The following MAML3 variants were observed in gnomAD, a reference collection of about 807,000 sequenced individuals.
MAML3 encodes the protein mastermind-like protein 3.
In MAML3, 27 loss-of-function variants were observed where a neutral mutation model predicts 101.9. The observed-to-expected ratio is 0.27, with a 90% CI of 0.20 to 0.37. The LOEUF is 0.37. Among genes scored for constraint, MAML3 ranks in the 10% least tolerant of loss-of-function variants. The probability of loss-of-function intolerance (pLI) is 1.00; values close to 1 mark genes in which losing one functional copy is unlikely to be tolerated. For synonymous variants in MAML3, 501 were observed against 555.9 expected (o/e 0.90, Z 1.39); for missense variants, 1,316 against 1,444.9 (o/e 0.91, Z 1.45).
At chr4:139,996,948 T>G (rs1401572856) in intron 1 of MAML3, among the ~76,000 whole-genome samples, 2 of 151,820 alleles carry the variant, frequency 1.3e-5, no homozygotes, top group South Asian at 4.2e-4. Flanking sequence ...TCTCAGCTAC[T>G]TGGGAGGCTG....
chr4:139,915,114 G>A (rs547549781), intron 1 of MAML3, among the ~76,000 whole-genome samples: 1 of 152,302 alleles, frequency 6.6e-6, no homozygotes, highest in South Asian at 2.1e-4. Context: ...ACAAAGACAT[G>A]CAAATGACTC....
At chr4:139,983,864 AC>A (rs922746773) in intron 1 of MAML3, among the ~76,000 whole-genome samples, 6 of 152,090 alleles carry the variant, frequency 3.9e-5, no homozygotes, top group African/African-American at 1.4e-4. Context: ...AATGGTCAGC[AC>A]CCCCATGTGT....
intron 2 of MAML3, among the ~76,000 whole-genome samples, chr4:139,842,496 C>A (rs1015884549): frequency 6.6e-6 from 1 of 151,088 alleles, no homozygotes; most frequent in Non-Finnish European, 1.5e-5. Context: ...TTCCCACAAT[C>A]CTAGAAAGGA....
chr4:140,040,590 A>G (rs1727066474), intron 1 of MAML3, among the ~76,000 whole-genome samples: 1 of 152,230 alleles, frequency 6.6e-6, no homozygotes, highest in Admixed American at 6.5e-5. Flanking sequence ...TAGAAACTTC[A>G]AAGCACACCC....
At chr4:140,123,092 GTTTT>G (rs58567442) in intron 1 of MAML3, among the ~76,000 whole-genome samples, 4,336 of 138,184 alleles carry the variant, frequency 0.031, 224 homozygotes, top group African/African-American at 0.11. Context: ...AAGCTCTGCG[GTTTT>G]TTTTTTTTTT....
chr4:140,112,815 A>G (rs1393151697), intron 1 of MAML3, among the ~76,000 whole-genome samples: 1 of 152,220 alleles, frequency 6.6e-6, no homozygotes, highest in Non-Finnish European at 1.5e-5. Context: ...GTTCCATTTT[A>G]CATATATAAT....
intron 2 of MAML3, among the ~76,000 whole-genome samples, chr4:139,736,167 A>AT (rs1491350873): frequency 2.0e-5 from 3 of 152,070 alleles, no homozygotes; most frequent in South Asian, 4.1e-4. Flanking sequence ...GTAAAAAAAA[A>AT]TTTTTTTTAA....
intron 2 of MAML3, among the ~76,000 whole-genome samples, chr4:139,847,975 T>C (rs1731478505): frequency 6.6e-6 from 1 of 152,204 alleles, no homozygotes; most frequent in Admixed American, 6.5e-5. Context: ...ATCTCATCCA[T>C]TTGATCTATT....
At chr4:139,757,387 C>A (rs1371039876) in intron 2 of MAML3, among the ~76,000 whole-genome samples, 1 of 152,084 alleles carries the variant, frequency 6.6e-6, no homozygotes, top group South Asian at 2.1e-4. Flanking sequence ...TGGTGGCTCA[C>A]CCCTGTAATC....
intron 1 of MAML3, among the ~76,000 whole-genome samples, chr4:139,962,227 C>T (rs144415554): frequency 7.5e-4 from 114 of 152,188 alleles, no homozygotes; most frequent in African/African-American, 2.6e-3. Flanking sequence ...TAAATCAACT[C>T]ATCATATCAG....
intron 1 of MAML3, among the ~76,000 whole-genome samples, chr4:139,968,208 G>A (rs1734172353): frequency 6.6e-6 from 1 of 151,326 alleles, no homozygotes; most frequent in African/African-American, 2.4e-5. Context: ...TAAGTCAGGA[G>A]GCTAAGGCAT....
chr4:139,935,214 T>TA (rs2110732337), intron 1 of MAML3, among the ~76,000 whole-genome samples: 1 of 118,556 alleles, frequency 8.4e-6, no homozygotes, highest in East Asian at 2.2e-4. Flanking sequence ...AAGACACCTC[T>TA]TTTTTTTTTT....
At chr4:139,756,410 C>T (rs1578585624) in intron 2 of MAML3, among the ~76,000 whole-genome samples, 1 of 152,162 alleles carries the variant, frequency 6.6e-6, no homozygotes, top group Non-Finnish European at 1.5e-5. Context: ...AACAGAATCA[C>T]ACATGGCTGA....
At chr4:139,989,347 A>G (rs909537256) in intron 1 of MAML3, among the ~76,000 whole-genome samples, 2 of 152,180 alleles carry the variant, frequency 1.3e-5, no homozygotes, top group African/African-American at 4.8e-5. Flanking sequence ...TTGCCCAGAG[A>G]GGCGGCCAGG....
chr4:140,049,938 T>C (rs1007481820), intron 1 of MAML3, among the ~76,000 whole-genome samples: 1 of 152,170 alleles, frequency 6.6e-6, no homozygotes, highest in African/African-American at 2.4e-5. Context: ...TAAAATCCAT[T>C]TTAGCATTTG....
chr4:140,120,899 C>T (rs1195159550), intron 1 of MAML3, among the ~76,000 whole-genome samples: 1 of 152,186 alleles, frequency 6.6e-6, no homozygotes, highest in Non-Finnish European at 1.5e-5. Context: ...ATTAAAAATA[C>T]ACACAGTGGT....
chr4:139,860,919 AT>A (rs758284399), intron 2 of MAML3, among the ~76,000 whole-genome samples: 1 of 152,100 alleles, frequency 6.6e-6, no homozygotes, highest in South Asian at 2.1e-4. Flanking sequence ...CTCAGTGTCC[AT>A]TTAGATCCCC....
intron 2 of MAML3, among the ~76,000 whole-genome samples, chr4:139,789,542 G>A (rs1390929192): frequency 6.6e-6 from 1 of 152,306 alleles, no homozygotes; most frequent in African/African-American, 2.4e-5. Flanking sequence ...ACTAGGCACG[G>A]GTGGATGTGA....
intron 1 of MAML3, among the ~76,000 whole-genome samples, chr4:140,015,915 T>A (rs918414774): frequency 6.6e-6 from 1 of 152,152 alleles, no homozygotes; most frequent in African/African-American, 2.4e-5. Context: ...ATTGTGCCAC[T>A]GCACTCCAGC....
Sources: gnomAD v4.1 joint callset for allele counts (sites outside exome capture counted in the v4.1 genomes callset) on GRCh38, gnomAD v4.1.1 for gene constraint, MANE v1.5 for transcripts, NCBI Gene and HGNC (gene_info 2026-07-23, HGNC 2026-07-21) for gene names.